CYP39A1: variants seen among roughly 807,000 people sequenced by gnomAD.
CYP39A1 encodes cytochrome P450 family 39 subfamily A member 1.
A neutral mutation model predicts 58.1 loss-of-function variants in CYP39A1; 49 were observed. That is an observed-to-expected ratio of 0.84 (90% CI 0.67 to 1.07). CYP39A1 has a LOEUF of 1.07. Ranked by LOEUF, CYP39A1 falls within the 50% of genes least tolerant of loss-of-function variation. CYP39A1 has a pLI of 0.00. For synonymous variants in CYP39A1, 209 were observed against 187.6 expected, an observed-to-expected ratio of 1.11 and a Z score of -0.93; for missense variants, 531 against 539.4, an observed-to-expected ratio of 0.98 and a Z score of 0.16.
At chr6:46,583,116 C>T (rs927012876) in intron 10 of CYP39A1, 16 of 985,208 alleles carry the variant, frequency 1.6e-5, no homozygotes, top group Non-Finnish European at 1.9e-5. Context: ...GTAAAAATCA[C>T]ACTTTCTATT....
chr6:46,606,016 T>C (rs1417096993), intron 7 of CYP39A1, among the ~76,000 whole-genome samples: 1 of 152,140 alleles, frequency 6.6e-6, no homozygotes, highest in Non-Finnish European at 1.5e-5. Context: ...ATCAGATCTG[T>C]GAAAATCCAA....
intron 3 of CYP39A1, among the ~76,000 whole-genome samples, chr6:46,638,534 A>C (rs574473362): frequency 1.3e-5 from 2 of 152,336 alleles, no homozygotes; most frequent in South Asian, 4.1e-4. Flanking sequence ...TATTGTTAAC[A>C]TGCCTTAAAA....
rs143996174 is a variant in CYP39A1, at chr6:46,558,694, A to C, written c.1251-4840T>G. 1.6e-3 allele frequency among the ~76,000 whole-genome samples: 240 copies of C among 152,246 alleles called. 3 individuals carry two copies. Among genetic ancestry groups the C allele is most frequent in the African/African-American group, 5.3e-3 (220 of 41,546 alleles). On this transcript the variant is annotated intron_variant, in intron 10 of 11. Coordinates refer to ENST00000275016, the MANE Select transcript of CYP39A1 (RefSeq NM_016593.5). ...CGTAAGGATTTAGATTATAGCATGC[A>C]TTAGGAAAAAAGGTGATTGTCGGCC...
intron 1 of CYP39A1, among the ~76,000 whole-genome samples, chr6:46,648,705 A>G (rs549246086): frequency 6.6e-6 from 1 of 152,296 alleles, no homozygotes. Context: ...TTATGCAAAC[A>G]GTATTGGCAC....
Position 46,636,391 on chromosome 6 carries a change from T to C in CYP39A1, c.730A>G (p.Met244Val), listed in dbSNP as rs201120399. The change falls in exon 5 of 12, where the codon ATG becomes GTG. Residue 244 changes from methionine (M) to valine (V), a missense_variant and splice_region_variant. Met to Val is a conservative substitution (Grantham distance 21). Coordinates refer to ENST00000275016, the MANE Select transcript of CYP39A1 (RefSeq NM_016593.5). ...KACKSAKDNS[M>V]TLLQATLDIV... The stretch of plus-strand genomic sequence containing the variant: ...AAAGAAAGGTAAGAAATACTTACCA[T>C]GGAATTATCTTTTGCAGATTTACAT... 170 of 1,574,840 alleles carry C rather than the reference T, an allele frequency of 1.1e-4. 1 individual carries two copies. The highest frequency in any genetic ancestry group is 8.7e-4 in the Middle Eastern group (4 of 4,598).
At chr6:46,610,213 A>G (rs906368287) in intron 7 of CYP39A1, among the ~76,000 whole-genome samples, 1 of 152,326 alleles carries the variant, frequency 6.6e-6, no homozygotes, top group African/African-American at 2.4e-5. Context: ...AAAGATACAC[A>G]AGGGTTATGT....
chr6:46,562,357 A>C (rs570544932), intron 10 of CYP39A1, among the ~76,000 whole-genome samples: 1 of 152,262 alleles, frequency 6.6e-6, no homozygotes, highest in Non-Finnish European at 1.5e-5. Flanking sequence ...TCACCTCAAA[A>C]AAAAAAGTAT....
chr6:46,559,879 T>C (rs1320921160), intron 10 of CYP39A1, among the ~76,000 whole-genome samples: 1 of 152,208 alleles, frequency 6.6e-6, no homozygotes, highest in Non-Finnish European at 1.5e-5. Flanking sequence ...CATTCATTCA[T>C]TCGATGTTTA....
At chr6:46,593,079 G>C (rs1206898896) in intron 8 of CYP39A1, among the ~76,000 whole-genome samples, 1 of 152,088 alleles carries the variant, frequency 6.6e-6, no homozygotes, top group African/African-American at 2.4e-5. Flanking sequence ...AAACTCTCTA[G>C]ATGCATAAAA....
At chr6:46,554,245 C>T (rs1194555398) in intron 10 of CYP39A1, among the ~76,000 whole-genome samples, 1 of 152,188 alleles carries the variant, frequency 6.6e-6, no homozygotes, top group African/African-American at 2.4e-5. Context: ...CTCGGTTGCA[C>T]TGGCCATATT....
At position 46,637,870 on chromosome 6, in the gene CYP39A1, T is replaced by C. The variant is rs775690639; in HGVS notation, c.597A>G (p.Glu199=). The C allele has an allele frequency of 8.7e-6, 14 of 1,612,414 alleles. No individual in the cohort carries two copies. Among genetic ancestry groups the C allele is most frequent in the Non-Finnish European group, 1.2e-5 (14 of 1,179,652 alleles). ...GCAACTGGGACCCATACTCAAAATC[T>C]TCATCATAAACTTGAAAATACTGAT... ...EFHQYFQVYD[E]DFEYGSQLPE... is the part of the protein sequence containing the mutation. Residue 199 remains glutamate (E), a synonymous_variant, in exon 4 of 12, where the codon GAA becomes GAG. Coordinates refer to ENST00000275016, the MANE Select transcript of CYP39A1 (RefSeq NM_016593.5).
intron 6 of CYP39A1, among the ~76,000 whole-genome samples, chr6:46,628,849 G>C (rs1019388553): frequency 6.6e-6 from 1 of 152,168 alleles, no homozygotes; most frequent in Non-Finnish European, 1.5e-5. Context: ...TGAAAATAAT[G>C]ATTGACTGAA....
chr6:46,622,078 C>T (rs1392177354), intron 7 of CYP39A1, among the ~76,000 whole-genome samples: 1 of 152,012 alleles, frequency 6.6e-6, no homozygotes, highest in Admixed American at 6.6e-5. Flanking sequence ...ACACAAAGGA[C>T]CACATATCAT....
intron 1 of CYP39A1, among the ~76,000 whole-genome samples, chr6:46,648,979 A>C (rs1762506766): frequency 6.6e-6 from 1 of 152,216 alleles, no homozygotes; most frequent in African/African-American, 2.4e-5. Context: ...CAAAAGACTG[A>C]TATAACCAGG....
At chr6:46,630,547 A>C (rs1775597410) in intron 6 of CYP39A1, among the ~76,000 whole-genome samples, 1 of 152,148 alleles carries the variant, frequency 6.6e-6, no homozygotes, top group African/African-American at 2.4e-5. Context: ...TCTGGATCCA[A>C]GCCCAAGTTA....
intron 1 of CYP39A1, among the ~76,000 whole-genome samples, chr6:46,646,889 G>T (rs1304133805): frequency 6.6e-6 from 1 of 152,024 alleles, no homozygotes; most frequent in Admixed American, 6.6e-5. Context: ...GATGTCTGCA[G>T]TGATATTCCC....
intron 7 of CYP39A1, among the ~76,000 whole-genome samples, chr6:46,624,301 T>C (rs1216697095): frequency 6.6e-6 from 1 of 152,212 alleles, no homozygotes; most frequent in Non-Finnish European, 1.5e-5. Flanking sequence ...CCTTTTTCCA[T>C]TTGTAGACAT....
chr6:46,586,031 C>A (rs1772455959), intron 10 of CYP39A1, among the ~76,000 whole-genome samples: 1 of 152,038 alleles, frequency 6.6e-6, no homozygotes, highest in South Asian at 2.1e-4. Context: ...CACCAGGCAC[C>A]CATTTGCTTA....
chr6:46,630,961 A>G lies in CYP39A1; in HGVS notation c.840+2T>C. The G allele has an allele frequency of 6.2e-7, 1 of 1,606,932 alleles. No individual in the cohort carries two copies. The highest frequency in any genetic ancestry group is 8.5e-7 in the Non-Finnish European group (1 of 1,174,112). ...TAACTCATACTTTACTAATATACTT[A>G]CAGGAACAGCATTAGACAGAGAAGC... On this transcript the variant is annotated splice_donor_variant, in intron 6 of 11. Transcript: ENST00000275016. LOFTEE classifies it high-confidence loss of function.
Sources: gnomAD v4.1 joint callset for allele counts (sites outside exome capture counted in the v4.1 genomes callset) on GRCh38, gnomAD v4.1.1 for gene constraint, MANE v1.5 for transcripts, NCBI Gene and HGNC (gene_info 2026-07-23, HGNC 2026-07-21) for gene names.